SORCS3: variants seen among roughly 807,000 people sequenced by gnomAD.
SORCS3 encodes VPS10 domain-containing receptor SorCS3.
In SORCS3, 57 loss-of-function variants were observed where a neutral mutation model predicts 146.3. The observed-to-expected ratio is 0.39, with a 90% CI of 0.31 to 0.49. The LOEUF (loss-of-function observed/expected upper bound fraction) is 0.49, where lower values mean the gene tolerates loss of function less well. Among genes scored for constraint, SORCS3 ranks in the 20% least tolerant of loss-of-function variants. SORCS3 has a pLI of 0.92. For missense variants in SORCS3, 1,341 were observed against 1,575.5 expected, an observed-to-expected ratio of 0.85 and a Z score of 2.52; for synonymous variants, 653 against 618.5, an observed-to-expected ratio of 1.06 and a Z score of -0.83.
Position 105,139,470 on chromosome 10 carries a change from A to C in SORCS3, c.1286A>C (p.Lys429Thr), listed in dbSNP as rs769832302. ...GCCTTTGCTCAGATAAAGCTGCCTA[A>C]GTACTCGTTGCCAAAGGTACTGCAT... ...REAFAQIKLPKYSLPKDMHII... is the reference protein window; with the variant it reads ...REAFAQIKLPTYSLPKDMHII... The change falls in exon 8 of 27, where the codon AAG (lysine) becomes ACG (threonine). Residue 429 changes from lysine (K) to threonine (T), a missense_variant. Physicochemically the swap from Lys to Thr is moderately conservative, Grantham distance 78. Transcript: ENST00000369701. 6.2e-7 allele frequency: 1 copy of C among 1,613,494 alleles called. No individual in the cohort carries two copies. The highest frequency in any genetic ancestry group is 8.5e-7 in the Non-Finnish European group (1 of 1,179,520).
intron 9 of SORCS3, among the ~76,000 whole-genome samples, chr10:105,154,240 A>C (rs2056189674): frequency 6.6e-6 from 1 of 151,634 alleles, no homozygotes; most frequent in Admixed American, 6.6e-5. Flanking sequence ...CTGCTTAGAG[A>C]CTCCACAGGG....
intron 1 of SORCS3, among the ~76,000 whole-genome samples, chr10:104,787,484 G>A (rs532338401): frequency 7.2e-5 from 11 of 152,262 alleles, no homozygotes; most frequent in Admixed American, 5.2e-4. Context: ...TTTATAGTTA[G>A]GACTCACATT....
intron 3 of SORCS3, among the ~76,000 whole-genome samples, chr10:104,924,373 G>C (rs79951046): frequency 6.6e-6 from 1 of 152,206 alleles, no homozygotes; most frequent in Non-Finnish European, 1.5e-5. Context: ...AGAATAAGGT[G>C]AGCACAAATA....
At chr10:104,845,993 CAG>C (rs1305632868) in intron 2 of SORCS3, among the ~76,000 whole-genome samples, 1 of 152,112 alleles carries the variant, frequency 6.6e-6, no homozygotes, top group Non-Finnish European at 1.5e-5. Context: ...GGGAGTTACT[CAG>C]AGCGAATTTA....
At chr10:105,151,583 A>G (rs1458553796) in intron 9 of SORCS3, among the ~76,000 whole-genome samples, 1 of 152,028 alleles carries the variant, frequency 6.6e-6, no homozygotes, top group Non-Finnish European at 1.5e-5. Flanking sequence ...ATATCACTCC[A>G]TCTTCTGCAT....
chr10:105,059,608 GTAA>G (rs2055469556), intron 5 of SORCS3, among the ~76,000 whole-genome samples: 1 of 152,132 alleles, frequency 6.6e-6, no homozygotes, highest in Non-Finnish European at 1.5e-5. Context: ...TCTCTCTAAG[GTAA>G]TAAATTATGC....
At chr10:105,041,682 A>G (rs1057229778) in intron 4 of SORCS3, among the ~76,000 whole-genome samples, 3 of 152,050 alleles carry the variant, frequency 2.0e-5, no homozygotes, top group Non-Finnish European at 4.4e-5. Flanking sequence ...TATACAAAAA[A>G]TTATTTCTGT....
chr10:105,000,728 A>G (rs1262663396), intron 4 of SORCS3, among the ~76,000 whole-genome samples: 2 of 152,182 alleles, frequency 1.3e-5, no homozygotes, highest in Non-Finnish European at 2.9e-5. Flanking sequence ...TTGCTGCTGC[A>G]TGCTCAGATA....
At chr10:104,655,140 C>T (rs562953239) in intron 1 of SORCS3, among the ~76,000 whole-genome samples, 4 of 151,628 alleles carry the variant, frequency 2.6e-5, no homozygotes, top group Admixed American at 1.3e-4. Flanking sequence ...GTAGTCCCAG[C>T]TACTTGGGAG....
At chr10:104,717,879 G>A (rs1178050953) in intron 1 of SORCS3, among the ~76,000 whole-genome samples, 4 of 152,230 alleles carry the variant, frequency 2.6e-5, no homozygotes, top group South Asian at 2.1e-4. Flanking sequence ...GGTGGCTCAC[G>A]CCTGTAATCC....
chr10:104,987,027 A>G (rs968765423), intron 4 of SORCS3, among the ~76,000 whole-genome samples: 3 of 152,184 alleles, frequency 2.0e-5, no homozygotes, highest in Non-Finnish European at 4.4e-5. Flanking sequence ...TAAAAACCCC[A>G]ATATCTGTGA....
intron 20 of SORCS3, among the ~76,000 whole-genome samples, chr10:105,240,915 C>T (rs1051775579): frequency 1.5e-5 from 2 of 136,410 alleles, no homozygotes; most frequent in African/African-American, 2.8e-5. Context: ...TGATTATATA[C>T]ACACACATAT....
chr10:104,898,244 CTTA>C (rs2018818655), intron 2 of SORCS3, among the ~76,000 whole-genome samples: 1 of 152,168 alleles, frequency 6.6e-6, no homozygotes, highest in Non-Finnish European at 1.5e-5. Flanking sequence ...AAATATCTAT[CTTA>C]TTATACAGTG....
chr10:105,149,502 C>G (rs1047750982), intron 9 of SORCS3, among the ~76,000 whole-genome samples: 1 of 152,094 alleles, frequency 6.6e-6, no homozygotes, highest in African/African-American at 2.4e-5. Flanking sequence ...ATTTCTATGC[C>G]TCTAATCATA....
intron 3 of SORCS3, among the ~76,000 whole-genome samples, chr10:104,953,762 A>G (rs1272014755): frequency 6.6e-6 from 1 of 152,200 alleles, no homozygotes; most frequent in Non-Finnish European, 1.5e-5. Context: ...TAACATCTAC[A>G]ATGTACCAGA....
At chr10:105,229,860 G>A (rs2056756930) in intron 20 of SORCS3, among the ~76,000 whole-genome samples, 1 of 152,208 alleles carries the variant, frequency 6.6e-6, no homozygotes, top group South Asian at 2.1e-4. Context: ...GGTAGTCATA[G>A]TGGTGCACCA....
intron 8 of SORCS3, among the ~76,000 whole-genome samples, chr10:105,142,697 T>C (rs1425813086): frequency 6.6e-6 from 1 of 152,130 alleles, no homozygotes; most frequent in African/African-American, 2.4e-5. Flanking sequence ...CACCCAGTTA[T>C]TTCTAGTTTT....
intron 4 of SORCS3, among the ~76,000 whole-genome samples, chr10:105,003,994 C>T (rs2055077392): frequency 1.2e-5 from 1 of 86,096 alleles, no homozygotes; most frequent in South Asian, 2.9e-4. Flanking sequence ...TTTTTCTCTT[C>T]TCTCTCTTTT....
chr10:104,667,210 A>G (rs2015790843), intron 1 of SORCS3, among the ~76,000 whole-genome samples: 1 of 152,202 alleles, frequency 6.6e-6, no homozygotes, highest in African/African-American at 2.4e-5. Context: ...ATGGACTTAG[A>G]CGTGCAAGGC....
Sources: allele counts gnomAD v4.1 joint callset (sites outside exome capture counted in the v4.1 genomes callset), GRCh38; gene constraint gnomAD v4.1.1; transcripts MANE v1.5; gene names NCBI Gene and HGNC (gene_info 2026-07-23, HGNC 2026-07-21).